Variants in DNAH7 observed in about 807,000 individuals in gnomAD.
DNAH7 encodes axonemal beta dynein heavy chain 7.
DNAH7 carries 397 observed loss-of-function variants against 444.6 expected under a neutral mutation model. The ratio of observed to expected loss-of-function variants is 0.89; its 90% CI spans 0.82 to 0.97. DNAH7 has a LOEUF of 0.97. Ranked by LOEUF, DNAH7 falls within the 50% of genes least tolerant of loss-of-function variation. The pLI is 0.00. For synonymous variants in DNAH7, 1,636 were observed against 1,624.4 expected, an observed-to-expected ratio of 1.01 and a Z score of -0.17; for missense variants, 4,902 against 4,800.8, an observed-to-expected ratio of 1.02 and a Z score of -0.62.
intron 27 of DNAH7, chr2:195,905,541 T>C (rs1686960329): frequency 6.6e-6 from 1 of 152,136 alleles, no homozygotes; most frequent in Admixed American, 6.6e-5. Flanking sequence ...TCTAAGCATG[T>C]GAAGTGTGGA....
intron 15 of DNAH7, among the ~76,000 whole-genome samples, chr2:195,974,755 TACACACACACAC>T (rs58054572): frequency 0.016 from 2,289 of 143,642 alleles, 56 homozygotes; most frequent in African/African-American, 0.055. Flanking sequence ...ATGTATATTT[TACACACACACAC>T]ACACACACAC....
chr2:195,742,713 T>C (rs546631666), intron 63 of DNAH7, among the ~76,000 whole-genome samples: 5 of 152,098 alleles, frequency 3.3e-5, no homozygotes. Flanking sequence ...TCAGCTATGG[T>C]TTTTCTAGTT....
In DNAH7 at chr2:195,977,053, A is replaced by C. The variant is rs796119917; in HGVS notation, c.1834-4587T>G. Among the ~76,000 whole-genome samples, 4 of 152,340 alleles carry C rather than the reference A, an allele frequency of 2.6e-5. No individual in the cohort carries two copies. The East Asian group carries it at 7.7e-4, about 29-fold the overall frequency. On this transcript the variant is annotated intron_variant, in intron 15 of 64. Coordinates refer to ENST00000312428, the MANE Select transcript of DNAH7 (RefSeq NM_018897.3). ...GGTACAAACAAGCCCAGAATGCTAA[A>C]GGTATAATACCTAACTCTTCAAGGC...
chr2:195,818,950 C>T (rs74952462), intron 49 of DNAH7, among the ~76,000 whole-genome samples: 4,693 of 152,048 alleles, frequency 0.031, 91 homozygotes, highest in Middle Eastern at 0.054. Flanking sequence ...TTTATGGATA[C>T]ATAACAGTTG....
chr2:196,012,526 C>G (rs1694783126), intron 10 of DNAH7, among the ~76,000 whole-genome samples: 2 of 152,010 alleles, frequency 1.3e-5, no homozygotes. Context: ...TATTCAGCAC[C>G]CCTCTCAAAG....
At chr2:195,757,883 C>T (rs11892144) in intron 61 of DNAH7, among the ~76,000 whole-genome samples, 3 of 152,174 alleles carry the variant, frequency 2.0e-5, no homozygotes, top group East Asian at 1.9e-4. Flanking sequence ...CTTCCTCCCC[C>T]GCCCCAAAAA....
At chr2:195,957,200 G>C in intron 19 of DNAH7, 61 bp downstream of exon 19, 1 of 1,384,370 alleles carries the variant, frequency 7.2e-7, no homozygotes, top group South Asian at 1.8e-5. Context: ...ATGGATTTCT[G>C]AAAACAAAAA....
chr2:195,947,086 T>C (rs968889796), intron 19 of DNAH7, among the ~76,000 whole-genome samples: 5 of 147,902 alleles, frequency 3.4e-5, no homozygotes, highest in Admixed American at 6.8e-5. Context: ...GCCAATTATA[T>C]ATATATTTAT....
chr2:195,776,155 T>A (rs1328054251), intron 59 of DNAH7, among the ~76,000 whole-genome samples, 172 bp from the exon 60 acceptor site: 3 of 151,910 alleles, frequency 2.0e-5, no homozygotes, highest in African/African-American at 7.3e-5. Flanking sequence ...TAAAAAAAAA[T>A]ATGAACAGCT....
intron 27 of DNAH7, chr2:195,900,824 A>G (rs1361062998): frequency 5.1e-6 from 1 of 197,258 alleles, no homozygotes; most frequent in African/African-American, 2.4e-5. Context: ...ACACAAATAA[A>G]TGATAAATAT....
At chr2:196,027,337 A>G (rs1198421497) in intron 6 of DNAH7, among the ~76,000 whole-genome samples, 1 of 151,946 alleles carries the variant, frequency 6.6e-6, no homozygotes, top group Non-Finnish European at 1.5e-5. Flanking sequence ...AATTCCAGAA[A>G]TATTATACAA....
intron 35 of DNAH7, among the ~76,000 whole-genome samples, chr2:195,882,458 T>A (rs953204574): frequency 2.0e-5 from 3 of 152,220 alleles, no homozygotes; most frequent in African/African-American, 4.8e-5. Context: ...AATTTCTTTT[T>A]AAAAAATGTA....
intron 49 of DNAH7, among the ~76,000 whole-genome samples, chr2:195,820,275 T>C (rs1444469307): frequency 6.6e-6 from 1 of 151,324 alleles, no homozygotes; most frequent in African/African-American, 2.4e-5. Context: ...GAGGGGGACA[T>C]CACACACTGG....
Position 195,857,731 on chromosome 2 carries a change from T to A in DNAH7, c.8068-8A>T, listed in dbSNP as rs1257218033. On this transcript the variant is annotated splice_polypyrimidine_tract_variant and splice_region_variant and intron_variant, in intron 43 of 64. Coordinates refer to ENST00000312428, the MANE Select transcript of DNAH7 (RefSeq NM_018897.3). ...TTTTACCACTGTAATATCCTTGAAA[T>A]AACAACGTTAATTATTTTAAAAGAC... 1.9e-6 allele frequency: 3 copies of A among 1,560,256 alleles called. No individual in the cohort carries two copies. Among genetic ancestry groups the A allele is most frequent in the East Asian group, 4.5e-5 (2 of 44,324 alleles).
At chr2:195,923,549 C>T (rs764484779) in intron 23 of DNAH7, 46 bp downstream of exon 23, 48 of 1,575,204 alleles carry the variant, frequency 3.0e-5, no homozygotes, top group South Asian at 8.9e-5. Flanking sequence ...TTTAAAACTA[C>T]GAGCTGAAAT....
chr2:195,926,564 T>C lies in DNAH7; in HGVS notation c.3474A>G (p.Val1158=). ...TATAGGCAAAAGTTGCATCTCCAGT[T>C]ACCTAATCAAAAAAGAATATGCTAA... ...ERVMINSIHK[V]TGDATFAYTK... Residue 1158 remains valine, a splice_region_variant and synonymous_variant, in exon 22 of 65, where the codon GTA becomes GTG. Coordinates refer to ENST00000312428, the MANE Select transcript of DNAH7 (RefSeq NM_018897.3). 1 of 1,590,154 alleles carries C rather than the reference T, an allele frequency of 6.3e-7. No individual in the cohort carries two copies. The highest frequency in any genetic ancestry group is 8.5e-7 in the Non-Finnish European group (1 of 1,171,734).
chr2:195,803,922 G>A (rs1224394587), intron 54 of DNAH7, among the ~76,000 whole-genome samples: 3 of 152,092 alleles, frequency 2.0e-5, no homozygotes, highest in African/African-American at 7.2e-5. Context: ...AATTCTAAAG[G>A]AAAGTGCAAG....
intron 9 of DNAH7, among the ~76,000 whole-genome samples, chr2:196,016,633 C>T (rs973751677): frequency 6.6e-6 from 1 of 152,160 alleles, no homozygotes; most frequent in Non-Finnish European, 1.5e-5. Flanking sequence ...GTGTTAGAAA[C>T]CCTGTATAAT....
chr2:195,861,464 G>T (rs964935577), intron 42 of DNAH7, among the ~76,000 whole-genome samples: 1 of 152,144 alleles, frequency 6.6e-6, no homozygotes, highest in African/African-American at 2.4e-5. Context: ...AATATTCACA[G>T]CTCTGGTTGG....
Sources: allele counts gnomAD v4.1 joint callset (sites outside exome capture counted in the v4.1 genomes callset), GRCh38; gene constraint gnomAD v4.1.1; transcripts MANE v1.5; gene names NCBI Gene and HGNC (gene_info 2026-07-23, HGNC 2026-07-21).